The following FRMD4B variants were observed in gnomAD, a reference collection of about 807,000 sequenced individuals.
The protein encoded by FRMD4B is FERM domain-containing protein 4B.
Under a neutral mutation model 141.5 loss-of-function variants are expected in FRMD4B, and 74 were observed. The ratio of observed to expected loss-of-function variants is 0.52; its 90% CI spans 0.43 to 0.63. The LOEUF (loss-of-function observed/expected upper bound fraction) is 0.63. Ranked by LOEUF, FRMD4B falls within the 30% of genes least tolerant of loss-of-function variation. The pLI, the probability that FRMD4B is intolerant of heterozygous loss-of-function variation, is 0.00. For synonymous variants in FRMD4B, 506 were observed against 467.9 expected, an observed-to-expected ratio of 1.08 and a Z score of -1.05; for missense variants, 1,366 against 1,253.4, an observed-to-expected ratio of 1.09 and a Z score of -1.36.
At chr3:69,273,054 G>A (rs769715866) in intron 5 of FRMD4B, among the ~76,000 whole-genome samples, 4 of 152,108 alleles carry the variant, frequency 2.6e-5, no homozygotes, top group Non-Finnish European at 5.9e-5. Context: ...TTTCTTTGGT[G>A]CTGCCTACAT....
At chr3:69,273,793 T>C (rs1473623651) in intron 5 of FRMD4B, among the ~76,000 whole-genome samples, 1 of 152,028 alleles carries the variant, frequency 6.6e-6, no homozygotes, top group African/African-American at 2.4e-5. Flanking sequence ...GTAGTGCAGT[T>C]GCGAGGAGTG....
chr3:69,219,561 C>T (rs1365675828), intron 9 of FRMD4B, among the ~76,000 whole-genome samples: 3 of 151,822 alleles, frequency 2.0e-5, no homozygotes, highest in East Asian at 3.9e-4. Context: ...TGAAGCCACA[C>T]AATAATGATC....
intron 9 of FRMD4B, among the ~76,000 whole-genome samples, chr3:69,219,890 G>A (rs2093177516): frequency 6.6e-6 from 1 of 152,142 alleles, no homozygotes; most frequent in South Asian, 2.1e-4. Context: ...TTCTGTTCCT[G>A]CATTAGTTTG....
intron 1 of FRMD4B, among the ~76,000 whole-genome samples, chr3:69,342,982 C>T (rs1702788456): frequency 6.6e-6 from 1 of 152,106 alleles, no homozygotes; most frequent in African/African-American, 2.4e-5. Flanking sequence ...CAGGGTCTCG[C>T]TCTGTCACCC....
intron 7 of FRMD4B, among the ~76,000 whole-genome samples, chr3:69,245,664 CTTTT>C (rs71115668): frequency 3.9e-5 from 4 of 102,458 alleles, no homozygotes; most frequent in Non-Finnish European, 8.2e-5. Flanking sequence ...ATTTTCTTTT[CTTTT>C]TTTTTTTTTT....
intron 1 of FRMD4B, among the ~76,000 whole-genome samples, chr3:69,512,201 G>A (rs988751173): frequency 1.3e-5 from 2 of 152,164 alleles, no homozygotes; most frequent in African/African-American, 4.8e-5. Context: ...GTGAGGCACT[G>A]CACGGGGCTG....
intron 1 of FRMD4B, among the ~76,000 whole-genome samples, chr3:69,494,287 T>G (rs372617378): frequency 6.6e-6 from 1 of 152,164 alleles, no homozygotes; most frequent in East Asian, 1.9e-4. Context: ...GAAATAGATG[T>G]GGTCACTAGG....
intron 1 of FRMD4B, among the ~76,000 whole-genome samples, chr3:69,343,481 C>T (rs986745469): frequency 3.3e-5 from 5 of 151,962 alleles, no homozygotes; most frequent in African/African-American, 1.2e-4. Context: ...TATTCAATTC[C>T]TACCTGGATA....
intron 7 of FRMD4B, among the ~76,000 whole-genome samples, chr3:69,233,207 C>T (rs181099642): frequency 4.0e-3 from 613 of 152,174 alleles, no homozygotes; most frequent in Non-Finnish European, 5.2e-3. Context: ...TAACTTGGGG[C>T]TGGTTGCAGT....
rs923028628 is a variant in FRMD4B, at chr3:69,195,299, CCTT to C, written c.1297_1299del (p.Lys433del). ...AGAAGTTTTTCTTGTAATAGTTTCT[CCTT>C]CTTCTTTAGTTCAAGGATTTTTTCT... On this transcript the variant is annotated inframe_deletion, in exon 15 of 23. Transcript: ENST00000398540. 3.7e-6 allele frequency: 6 copies of C among 1,613,122 alleles called. No individual in the cohort carries two copies. Among genetic ancestry groups the C allele is most frequent in the African/African-American group, 1.3e-5 (1 of 74,840 alleles).
intron 1 of FRMD4B, among the ~76,000 whole-genome samples, chr3:69,480,780 G>T (rs1373030408): frequency 6.6e-6 from 1 of 152,238 alleles, no homozygotes; most frequent in Non-Finnish European, 1.5e-5. Flanking sequence ...GGTTACTGCT[G>T]TCTTTTTGTT....
At chr3:69,185,960 T>C (rs2092762124) in intron 19 of FRMD4B, among the ~76,000 whole-genome samples, 1 of 151,592 alleles carries the variant, frequency 6.6e-6, no homozygotes. Context: ...GAGAATTGCT[T>C]GAACCTGAAA....
At chr3:69,308,437 G>GA (rs1390803493) in intron 3 of FRMD4B, among the ~76,000 whole-genome samples, 53 of 81,256 alleles carry the variant, frequency 6.5e-4, no homozygotes, top group Middle Eastern at 6.7e-3. Context: ...CATCACACTG[G>GA]CTTTTTTTTT....
intron 10 of FRMD4B, among the ~76,000 whole-genome samples, chr3:69,217,903 C>T (rs1277769254): frequency 1.3e-5 from 2 of 152,140 alleles, no homozygotes; most frequent in Admixed American, 1.3e-4. Context: ...TCAATCTCTC[C>T]CTGCTTATAA....
chr3:69,187,229 A>T (rs2092777278), intron 19 of FRMD4B, among the ~76,000 whole-genome samples: 1 of 152,178 alleles, frequency 6.6e-6, no homozygotes, highest in African/African-American at 2.4e-5. Context: ...GGAAATGGTC[A>T]AATGCATTTT....
intron 2 of FRMD4B, among the ~76,000 whole-genome samples, chr3:69,419,232 T>C (rs1327765756): frequency 6.6e-6 from 1 of 152,188 alleles, no homozygotes; most frequent in Non-Finnish European, 1.5e-5. Flanking sequence ...AAAGCAAGTA[T>C]GAATGAATAA....
At chr3:69,274,925 C>T (rs757317524) in intron 5 of FRMD4B, among the ~76,000 whole-genome samples, 4 of 152,182 alleles carry the variant, frequency 2.6e-5, no homozygotes, top group Admixed American at 1.3e-4. Flanking sequence ...CTGGTCCTAG[C>T]CTCACTGTGC....
intron 1 of FRMD4B, among the ~76,000 whole-genome samples, chr3:69,485,435 G>T (rs556419398): frequency 3.3e-5 from 5 of 152,162 alleles, no homozygotes; most frequent in Non-Finnish European, 5.9e-5. Flanking sequence ...GCCCAGATCC[G>T]CACCCAGGAC....
rs908110134 is a variant in FRMD4B at position 69,409,552 on chromosome 3, C to A, written c.-1+23082G>T. On this transcript the variant is annotated intron_variant, in intron 2 of 5. Transcript: ENST00000459638. ...CCAGCATTCACCCTCATTCTTCTAG[C>A]TGAGAAAAATCTCGATTTTTATACA... 2.0e-5 allele frequency among the ~76,000 whole-genome samples: 3 copies of A among 152,328 alleles called. No homozygotes were observed. The East Asian group carries it at 5.8e-4, about 29-fold the overall frequency.
Sources: gnomAD v4.1 joint callset for allele counts (sites outside exome capture counted in the v4.1 genomes callset) on GRCh38, gnomAD v4.1.1 for gene constraint, MANE v1.5 for transcripts, NCBI Gene and HGNC (gene_info 2026-07-23, HGNC 2026-07-21) for gene names.